Variants in ATXN1 observed in about 807,000 individuals in gnomAD.
ATXN1 encodes the protein ataxin-1.
ATXN1 carries 8 observed loss-of-function variants against 56.4 expected under a neutral mutation model. That is an observed-to-expected ratio of 0.14 (90% CI 0.08 to 0.26). The LOEUF (loss-of-function observed/expected upper bound fraction) is 0.26. Ranked by LOEUF, ATXN1 falls within the 10% of genes least tolerant of loss-of-function variation. ATXN1 has a pLI of 1.00. For missense variants in ATXN1, 987 were observed against 1,106.5 expected (o/e 0.89, Z 1.53); for synonymous variants, 514 against 494.6 (o/e 1.04, Z -0.52).
chr6:16,484,468 G>A (rs1760500977), intron 6 of ATXN1, among the ~76,000 whole-genome samples: 1 of 152,064 alleles, frequency 6.6e-6, no homozygotes, highest in Non-Finnish European at 1.5e-5. Flanking sequence ...AAGGTAGTAT[G>A]AAGCAATACA....
chr6:16,553,530 T>C lies in ATXN1; in HGVS notation c.-360-30842A>G, dbSNP rs558098380. Among the ~76,000 whole-genome samples, 3 of 152,360 alleles carry C rather than the reference T, an allele frequency of 2.0e-5. No individual in the cohort carries two copies. In the East Asian group the frequency reaches 5.8e-4, roughly 29 times the overall value. On this transcript the variant is annotated intron_variant, in intron 4 of 7. Coordinates refer to ENST00000436367, the MANE Select transcript of ATXN1 (RefSeq NM_001128164.2). ...CTATAATAACTATAATGTAGTGCCA[T>C]GTGGGTAGGGGCCATTTTTATCTTG...
At chr6:16,517,945 G>A (rs1295898023) in intron 5 of ATXN1, among the ~76,000 whole-genome samples, 1 of 152,216 alleles carries the variant, frequency 6.6e-6, no homozygotes, top group African/African-American at 2.4e-5. Context: ...ACATCTATGT[G>A]TTTATTCATT....
chr6:16,354,103 G>A (rs1761634662), intron 6 of ATXN1, among the ~76,000 whole-genome samples: 1 of 152,154 alleles, frequency 6.6e-6, no homozygotes, highest in Non-Finnish European at 1.5e-5. Context: ...AACCTATAGG[G>A]TCGGAGTGGG....
At chr6:16,582,405 A>C (rs1300170691) in intron 4 of ATXN1, among the ~76,000 whole-genome samples, 1 of 152,180 alleles carries the variant, frequency 6.6e-6, no homozygotes, top group Non-Finnish European at 1.5e-5. Flanking sequence ...GGCCTTTGCT[A>C]AATTAATAAA....
intron 3 of ATXN1, among the ~76,000 whole-genome samples, chr6:16,590,311 A>AT (rs1762700592): frequency 6.6e-6 from 1 of 152,194 alleles, no homozygotes; most frequent in African/African-American, 2.4e-5. Context: ...AGGCAAGACT[A>AT]TTTTGCAATG....
chr6:16,340,894 AC>A (rs1344911940), intron 6 of ATXN1, among the ~76,000 whole-genome samples: 3 of 152,326 alleles, frequency 2.0e-5, no homozygotes, highest in African/African-American at 4.8e-5. Flanking sequence ...GTGTAATGTC[AC>A]CAGGGCCAAA....
At chr6:16,554,104 G>A (rs981942245) in intron 4 of ATXN1, among the ~76,000 whole-genome samples, 1 of 152,146 alleles carries the variant, frequency 6.6e-6, no homozygotes, top group South Asian at 2.1e-4. Flanking sequence ...AGTAGATTAG[G>A]ATATGTCTAT....
chr6:16,486,882 A>G (rs1358321457), intron 5 of ATXN1, among the ~76,000 whole-genome samples: 1 of 150,346 alleles, frequency 6.7e-6, no homozygotes, highest in African/African-American at 2.5e-5. Context: ...GCTGTCTGCC[A>G]TTTCCGCCCA....
chr6:16,441,114 C>T (rs1190816994), intron 6 of ATXN1, among the ~76,000 whole-genome samples: 2 of 152,092 alleles, frequency 1.3e-5, no homozygotes, highest in Non-Finnish European at 2.9e-5. Context: ...GCAAGGAACC[C>T]TGGGAAGGTC....
At chr6:16,560,224 G>T (rs1346228269) in intron 4 of ATXN1, among the ~76,000 whole-genome samples, 1 of 152,092 alleles carries the variant, frequency 6.6e-6, no homozygotes, top group Non-Finnish European at 1.5e-5. Flanking sequence ...CCTGACAGGA[G>T]CTGGAGACCA....
At chr6:16,542,003 A>T (rs963979234) in intron 4 of ATXN1, among the ~76,000 whole-genome samples, 1 of 152,282 alleles carries the variant, frequency 6.6e-6, no homozygotes, top group Admixed American at 6.5e-5. Flanking sequence ...TTGGGAATAA[A>T]TTGATAGGTG....
At chr6:16,473,628 G>A (rs1561909593) in intron 6 of ATXN1, among the ~76,000 whole-genome samples, 1 of 152,270 alleles carries the variant, frequency 6.6e-6, no homozygotes. Flanking sequence ...TCAGCCCCTT[G>A]GTAGGTGTTT....
At chr6:16,538,884 C>A (rs905388483) in intron 4 of ATXN1, among the ~76,000 whole-genome samples, 2 of 152,162 alleles carry the variant, frequency 1.3e-5, no homozygotes, top group Non-Finnish European at 2.9e-5. Flanking sequence ...CAGGGTTTCA[C>A]CATGTTGTCC....
intron 4 of ATXN1, among the ~76,000 whole-genome samples, chr6:16,578,048 T>C (rs938194965): frequency 9.9e-5 from 15 of 152,228 alleles, no homozygotes; most frequent in African/African-American, 3.6e-4. Flanking sequence ...ACATTAATTT[T>C]ATTACATTTT....
intron 4 of ATXN1, among the ~76,000 whole-genome samples, chr6:16,561,534 C>A (rs1374353916): frequency 6.6e-6 from 1 of 152,120 alleles, no homozygotes; most frequent in Non-Finnish European, 1.5e-5. Context: ...TGTTTAAGGA[C>A]AGGGGTTAAA....
At chr6:16,532,769 TC>T (rs1343669433) in intron 4 of ATXN1, among the ~76,000 whole-genome samples, 11 of 152,278 alleles carry the variant, frequency 7.2e-5, no homozygotes, top group African/African-American at 2.6e-4. Context: ...AAATTGGAAC[TC>T]TGTGTACATT....
chr6:16,566,258 T>G (rs931669196), intron 4 of ATXN1, among the ~76,000 whole-genome samples: 1 of 152,178 alleles, frequency 6.6e-6, no homozygotes, highest in African/African-American at 2.4e-5. Flanking sequence ...CATCCAGATA[T>G]AAGAAATACA....
chr6:16,603,198 G>C (rs369647932), intron 3 of ATXN1, among the ~76,000 whole-genome samples: 2 of 152,286 alleles, frequency 1.3e-5, no homozygotes, highest in African/African-American at 4.8e-5. Flanking sequence ...TTGGGCCCTC[G>C]AGCCAGGCGT....
intron 6 of ATXN1, among the ~76,000 whole-genome samples, chr6:16,334,215 C>T (rs772253788): frequency 1.3e-5 from 2 of 151,980 alleles, no homozygotes; most frequent in African/African-American, 2.4e-5. Flanking sequence ...CTTAAGAAGC[C>T]GGAAGTGATG....
Sources: gnomAD v4.1 joint callset for allele counts (sites outside exome capture counted in the v4.1 genomes callset) on GRCh38, gnomAD v4.1.1 for gene constraint, MANE v1.5 for transcripts, NCBI Gene and HGNC (gene_info 2026-07-23, HGNC 2026-07-21) for gene names.